BACH2: variants seen among roughly 807,000 people sequenced by gnomAD.
The protein encoded by BACH2 is transcription regulator protein BACH2.
Under a neutral mutation model 61.8 loss-of-function variants are expected in BACH2, and 5 were observed. The ratio of observed to expected loss-of-function variants is 0.08; its 90% CI spans 0.04 to 0.17. BACH2 has a LOEUF of 0.17. Ranked by LOEUF, BACH2 falls within the 10% of genes least tolerant of loss-of-function variation. The probability of loss-of-function intolerance (pLI) is 1.00; values close to 1 mark genes in which losing one functional copy is unlikely to be tolerated. For missense variants in BACH2, 824 were observed against 1,091.1 expected (o/e 0.76, Z 3.45); for synonymous variants, 446 against 440.1 (o/e 1.01, Z -0.17).
intron 4 of BACH2, among the ~76,000 whole-genome samples, chr6:90,195,579 G>A (rs566068255): frequency 6.6e-6 from 1 of 152,182 alleles, no homozygotes; most frequent in African/African-American, 2.4e-5. Context: ...CTAAGGTTGT[G>A]AAGTGTAACA....
At chr6:89,980,077 G>A (rs1243586886) in intron 6 of BACH2, among the ~76,000 whole-genome samples, 1 of 152,080 alleles carries the variant, frequency 6.6e-6, no homozygotes, top group African/African-American at 2.4e-5. Flanking sequence ...CGGATCACCT[G>A]AGAGGTCAGG....
At chr6:90,012,026 C>G (rs535761069) in intron 5 of BACH2, among the ~76,000 whole-genome samples, 1 of 150,038 alleles carries the variant, frequency 6.7e-6, no homozygotes, top group East Asian at 2.0e-4. Context: ...AAACTCCTGG[C>G]GTCAAGTGAT....
At chr6:90,108,891 A>C (rs572381302) in intron 4 of BACH2, among the ~76,000 whole-genome samples, 1 of 152,274 alleles carries the variant, frequency 6.6e-6, no homozygotes, top group African/African-American at 2.4e-5. Flanking sequence ...TCCCCTCCTC[A>C]GGAATCAATC....
intron 5 of BACH2, among the ~76,000 whole-genome samples, chr6:90,020,529 G>A (rs1009848473): frequency 1.9e-4 from 28 of 151,068 alleles, no homozygotes; most frequent in Non-Finnish European, 3.8e-4. Context: ...CAGCAAGAAG[G>A]CCCTCACCAG....
intron 7 of BACH2, among the ~76,000 whole-genome samples, chr6:89,945,025 G>T (rs1773645613): frequency 6.6e-6 from 1 of 152,136 alleles, no homozygotes; most frequent in African/African-American, 2.4e-5. Context: ...GCAATAACAA[G>T]TGTTGGCGAG....
At position 89,951,123 on chromosome 6, in the gene BACH2, C is replaced by T; in HGVS notation, c.983G>A (p.Cys328Tyr). 1 of 1,609,904 alleles carries T rather than the reference C, an allele frequency of 6.2e-7. No homozygotes were observed. Among genetic ancestry groups the T allele is most frequent in the Non-Finnish European group, 8.5e-7 (1 of 1,178,434 alleles). The change falls in exon 7 of 9, where the codon TGC becomes TAC. Residue 328 changes from cysteine (C) to tyrosine (Y), a missense_variant. Cys to Tyr is a radical substitution (Grantham distance 194, BLOSUM62 -2). Coordinates refer to ENST00000257749, the MANE Select transcript of BACH2 (RefSeq NM_021813.4). The surrounding 1 kb of genome is among the most constrained non-coding windows in gnomAD (Gnocchi z 6.4). Reference sequence around the variant, plus strand: ...GGCCACGCTCCTGGATCTCTCCAGGCAGGCGGCCCCAGCTGGGGCCGTGGG... The same window carrying T: ...GGCCACGCTCCTGGATCTCTCCAGGTAGGCGGCCCCAGCTGGGGCCGTGGG... The part of the protein sequence containing the change: ...PTPTAPAGAA[C>Y]LERSRSVASP...
rs764644733 is a variant in BACH2, at chr6:90,008,914, T to C, written c.-12-58A>G. 26 of 1,581,240 alleles carry C rather than the reference T, an allele frequency of 1.6e-5. No individual in the cohort carries two copies. The highest frequency in any genetic ancestry group is 2.2e-5 in the East Asian group (1 of 44,498). On this transcript the variant is annotated intron_variant, in intron 5 of 8. Coordinates refer to ENST00000257749, the MANE Select transcript of BACH2 (RefSeq NM_021813.4). The surrounding 1 kb of genome is among the most constrained non-coding windows in gnomAD (Gnocchi z 4.1). ...AAGAAAGGCTGAGTCACCACAGCTG[T>C]AGGATCAGAGAGAGGAGGTGAGAAA...
intron 1 of BACH2, among the ~76,000 whole-genome samples, chr6:90,286,301 T>C (rs1330361931): frequency 1.3e-5 from 2 of 152,236 alleles, no homozygotes; most frequent in Non-Finnish European, 2.9e-5. Context: ...TACTGTTTAA[T>C]GTGGGAAATT....
intron 5 of BACH2, among the ~76,000 whole-genome samples, chr6:90,080,585 A>G (rs1781684119): frequency 6.6e-6 from 1 of 152,316 alleles, no homozygotes; most frequent in African/African-American, 2.4e-5. Flanking sequence ...CTTTTAATAA[A>G]AAGTTATTAC....
intron 3 of BACH2, among the ~76,000 whole-genome samples, chr6:90,216,819 G>T (rs1171066809): frequency 6.6e-6 from 1 of 152,090 alleles, no homozygotes; most frequent in Non-Finnish European, 1.5e-5. Flanking sequence ...GTCATGACCC[G>T]GGGGAGGGTG....
chr6:90,103,027 ATAT>A (rs1782734739), intron 4 of BACH2, among the ~76,000 whole-genome samples: 1 of 24,472 alleles, frequency 4.1e-5, no homozygotes, highest in Non-Finnish European at 7.6e-5. Context: ...ATATATATAT[ATAT>A]TTTTTTTTTT....
intron 1 of BACH2, among the ~76,000 whole-genome samples, chr6:90,274,456 A>G (rs1450534200): frequency 6.6e-6 from 1 of 152,216 alleles, no homozygotes; most frequent in Non-Finnish European, 1.5e-5. Flanking sequence ...AGAAGCAGTG[A>G]AAGATAAAAG....
intron 7 of BACH2, among the ~76,000 whole-genome samples, chr6:89,939,997 T>C (rs1473274176): frequency 6.6e-6 from 1 of 151,778 alleles, no homozygotes; most frequent in Non-Finnish European, 1.5e-5. Flanking sequence ...CCACTATTCC[T>C]GGCCTGAAAT....
intron 6 of BACH2, among the ~76,000 whole-genome samples, chr6:89,995,303 G>A (rs1020481802): frequency 6.8e-6 from 1 of 147,228 alleles, no homozygotes; most frequent in African/African-American, 2.5e-5. Flanking sequence ...TGGTAAGCTT[G>A]TTCCTCTAAT....
At chr6:90,211,783 G>A (rs71556357) in intron 3 of BACH2, among the ~76,000 whole-genome samples, 1 of 152,126 alleles carries the variant, frequency 6.6e-6, no homozygotes, top group African/African-American at 2.4e-5. Flanking sequence ...GGGTAGCTCA[G>A]GCACTCCTGT....
chr6:90,031,089 A>G (rs1269805211), intron 5 of BACH2, among the ~76,000 whole-genome samples: 1 of 151,708 alleles, frequency 6.6e-6, no homozygotes, highest in South Asian at 2.1e-4. Flanking sequence ...TATAAACAGA[A>G]CCAATGACAA....
intron 6 of BACH2, among the ~76,000 whole-genome samples, chr6:89,978,764 T>C (rs1330288141): frequency 2.0e-5 from 3 of 152,176 alleles, no homozygotes; most frequent in African/African-American, 4.8e-5. Flanking sequence ...TGTATGTTTC[T>C]GTGGGTGGTA....
At chr6:90,107,155 C>T (rs1028324912) in intron 4 of BACH2, among the ~76,000 whole-genome samples, 30 of 152,060 alleles carry the variant, frequency 2.0e-4, no homozygotes, top group South Asian at 2.1e-4. Flanking sequence ...GGGTGGATCA[C>T]GAGGTCAAGA....
intron 2 of BACH2, among the ~76,000 whole-genome samples, chr6:90,253,046 A>G (rs1562527420): frequency 6.6e-6 from 1 of 152,172 alleles, no homozygotes; most frequent in Non-Finnish European, 1.5e-5. Context: ...GGAGTTCAAG[A>G]CCAGCTTGGG....
Sources: gnomAD v4.1 joint callset for allele counts (sites outside exome capture counted in the v4.1 genomes callset) on GRCh38, gnomAD v4.1.1 for gene constraint, Gnocchi (gnomAD v3.1) non-coding constraint, MANE v1.5 for transcripts, NCBI Gene and HGNC (gene_info 2026-07-23, HGNC 2026-07-21) for gene names.